Variants in NME7 observed in about 807,000 individuals in gnomAD.
NME7 encodes the protein nucleoside diphosphate kinase 7.
A neutral mutation model predicts 49.1 loss-of-function variants in NME7; 41 were observed. That is an observed-to-expected ratio of 0.83 (90% confidence interval 0.65 to 1.08). The LOEUF is 1.08. Among genes scored for constraint, NME7 ranks in the 50% least tolerant of loss-of-function variants. The probability of loss-of-function intolerance (pLI) is 0.00; values close to 1 mark genes in which losing one functional copy is unlikely to be tolerated. For synonymous variants in NME7, 139 were observed against 150.6 expected (o/e 0.92, Z 0.56); for missense variants, 423 against 463.4 (o/e 0.91, Z 0.80).
intron 7 of NME7, chr1:169,284,341 A>G (rs1316956934): frequency 6.6e-6 from 1 of 152,016 alleles, no homozygotes; most frequent in Non-Finnish European, 1.5e-5. Context: ...CTAGTTAGCA[A>G]TTTGACTTCA....
Position 169,263,666 on chromosome 1 carries a change from G to A in NME7, c.754+23637C>T, listed in dbSNP as rs539314264. On this transcript the variant is annotated intron_variant, in intron 7 of 11. Transcript: ENST00000367811. ...AAAGAAATGGGAAGAAAGAAAACAA[G>A]TTGAAAAACATATTTCAGGATATCA... Among the ~76,000 whole-genome samples, 268 of 133,648 alleles carry A rather than the reference G, an allele frequency of 2.0e-3. 69 individuals carry two copies. The highest frequency in any genetic ancestry group is 3.7e-3 in the South Asian group (16 of 4,362). 87.7% of individuals were successfully genotyped at this position (133,648 alleles called of 152,430 possible).
chr1:169,136,342 G>C (rs1658430394), intron 11 of NME7, among the ~76,000 whole-genome samples: 1 of 152,152 alleles, frequency 6.6e-6, no homozygotes. Context: ...TACAACTCAG[G>C]TTATACTGCA....
intron 6 of NME7, among the ~76,000 whole-genome samples, chr1:169,291,943 T>C (rs1163607481): frequency 6.6e-6 from 1 of 152,134 alleles, no homozygotes; most frequent in African/African-American, 2.4e-5. Context: ...TATATAGCCA[T>C]ATTCACTCCA....
chr1:169,146,402 A>T (rs1190880176), intron 11 of NME7, among the ~76,000 whole-genome samples: 1 of 152,216 alleles, frequency 6.6e-6, no homozygotes, highest in Non-Finnish European at 1.5e-5. Flanking sequence ...TTTATCAATA[A>T]TTACAGATAA....
intron 7 of NME7, chr1:169,286,115 A>T (rs1650266671): frequency 6.6e-6 from 1 of 152,142 alleles, no homozygotes; most frequent in African/African-American, 2.4e-5. Flanking sequence ...GCTCACAAAA[A>T]TTATATTTAA....
At chr1:169,353,135 C>T (rs1475713144) in intron 1 of NME7, among the ~76,000 whole-genome samples, 1 of 152,058 alleles carries the variant, frequency 6.6e-6, no homozygotes, top group African/African-American at 2.4e-5. Context: ...CACTATCTGA[C>T]TTCAAATTAT....
chr1:169,359,446 A>G (rs1653579253), intron 1 of NME7, among the ~76,000 whole-genome samples: 1 of 150,594 alleles, frequency 6.6e-6, no homozygotes, highest in Non-Finnish European at 1.5e-5. Flanking sequence ...ATAGAATCAT[A>G]TTTTAAAGGA....
chr1:169,364,097 T>C (rs1251537572), intron 1 of NME7, among the ~76,000 whole-genome samples: 1 of 152,252 alleles, frequency 6.6e-6, no homozygotes, highest in Non-Finnish European at 1.5e-5. Flanking sequence ...CCCCTATTAC[T>C]TTGTATTCTC....
chr1:169,340,976 A>G (rs1652673126), intron 1 of NME7, among the ~76,000 whole-genome samples: 2 of 152,336 alleles, frequency 1.3e-5, no homozygotes, highest in East Asian at 3.9e-4. Context: ...CCTGTGGTAG[A>G]AAAGAAAAAC....
At chr1:169,141,792 C>A (rs1222112301) in intron 11 of NME7, among the ~76,000 whole-genome samples, 1 of 151,758 alleles carries the variant, frequency 6.6e-6, no homozygotes, top group Non-Finnish European at 1.5e-5. Context: ...AGTGAAAAAG[C>A]TCTTAGATTG....
At chr1:169,302,540 G>T (rs1417538936) in intron 5 of NME7, among the ~76,000 whole-genome samples, 2 of 152,250 alleles carry the variant, frequency 1.3e-5, no homozygotes, top group African/African-American at 4.8e-5. Flanking sequence ...ACTTATAAGT[G>T]GGAACTAAAT....
At chr1:169,325,419 T>C (rs557586803) in intron 1 of NME7, among the ~76,000 whole-genome samples, 6 of 151,928 alleles carry the variant, frequency 3.9e-5, no homozygotes, top group African/African-American at 1.2e-4. Context: ...GTCACTTAGG[T>C]TGCCTGTAGT....
intron 7 of NME7, among the ~76,000 whole-genome samples, chr1:169,251,227 G>A (rs1343699677): frequency 6.6e-6 from 1 of 151,806 alleles, no homozygotes; most frequent in Non-Finnish European, 1.5e-5. Context: ...ATCATATAAT[G>A]ACCTTCTTTG....
At chr1:169,278,997 T>C (rs12085114) in intron 7 of NME7, among the ~76,000 whole-genome samples, 57,156 of 151,804 alleles carry the variant, frequency 0.38, 11,445 homozygotes, top group East Asian at 0.78. Flanking sequence ...TGCAGAACAG[T>C]GGATTTTCAT....
chr1:169,153,611 T>C (rs1175281815), intron 11 of NME7, among the ~76,000 whole-genome samples: 1 of 152,198 alleles, frequency 6.6e-6, no homozygotes, highest in African/African-American at 2.4e-5. Context: ...CATCATACAC[T>C]ATCTGGTAAC....
intron 1 of NME7, among the ~76,000 whole-genome samples, chr1:169,339,140 C>CA (rs1652589165): frequency 6.6e-6 from 1 of 152,044 alleles, no homozygotes; most frequent in African/African-American, 2.4e-5. Context: ...GACAAAATGG[C>CA]AAAAATCCAC....
At chr1:169,300,846 A>C (rs1003029431) in intron 5 of NME7, among the ~76,000 whole-genome samples, 1 of 152,182 alleles carries the variant, frequency 6.6e-6, no homozygotes, top group African/African-American at 2.4e-5. Flanking sequence ...AGGATTCTCT[A>C]TTCAATAAAT....
intron 4 of NME7, among the ~76,000 whole-genome samples, chr1:169,304,355 C>T (rs1651093204): frequency 6.6e-6 from 1 of 152,104 alleles, no homozygotes; most frequent in Non-Finnish European, 1.5e-5. Context: ...AAACTGTTCC[C>T]TAGCAAAGAA....
intron 1 of NME7, among the ~76,000 whole-genome samples, chr1:169,342,616 T>C (rs1378919835): frequency 1.1e-5 from 1 of 90,980 alleles, no homozygotes; most frequent in African/African-American, 4.3e-5. Flanking sequence ...AGTATATATA[T>C]ATACAAGTAC....
Sources: allele counts gnomAD v4.1 joint callset (sites outside exome capture counted in the v4.1 genomes callset), GRCh38; gene constraint gnomAD v4.1.1; transcripts MANE v1.5; gene names NCBI Gene and HGNC (gene_info 2026-07-23, HGNC 2026-07-21).